The following C8orf34 variants were observed in gnomAD, a reference collection of about 807,000 sequenced individuals.
The protein encoded by C8orf34 is uncharacterized protein C8orf34.
A neutral mutation model predicts 68.3 loss-of-function variants in C8orf34; 65 were observed. The observed-to-expected ratio is 0.95, with a 90% CI of 0.78 to 1.17. The LOEUF (loss-of-function observed/expected upper bound fraction) is 1.17, where lower values mean the gene tolerates loss of function less well. Ranked by LOEUF, C8orf34 falls within the 50% of genes most tolerant of loss-of-function variation. The pLI is 0.00. For missense variants in C8orf34, 664 were observed against 655.4 expected (o/e 1.01, Z -0.14); for synonymous variants, 244 against 241.2 (o/e 1.01, Z -0.11).
intron 7 of C8orf34, among the ~76,000 whole-genome samples, chr8:68,548,526 A>G (rs933195006): frequency 6.6e-6 from 1 of 151,806 alleles, no homozygotes; most frequent in African/African-American, 2.4e-5. Flanking sequence ...AAGATTCTCA[A>G]CACTAAATGT....
At chr8:68,478,367 A>G (rs1812714100) in intron 4 of C8orf34, among the ~76,000 whole-genome samples, 1 of 152,138 alleles carries the variant, frequency 6.6e-6, no homozygotes, top group Admixed American at 6.5e-5. Context: ...TTCATTGTCC[A>G]TATCACTATC....
chr8:68,644,051 G>A (rs1819093362), intron 8 of C8orf34, among the ~76,000 whole-genome samples: 1 of 152,176 alleles, frequency 6.6e-6, no homozygotes, highest in Non-Finnish European at 1.5e-5. Context: ...GTGTAAAGGA[G>A]TGAAGACTCT....
At chr8:68,542,800 G>A (rs1040702631) in intron 7 of C8orf34, among the ~76,000 whole-genome samples, 9 of 151,924 alleles carry the variant, frequency 5.9e-5, no homozygotes, top group African/African-American at 1.5e-4. Flanking sequence ...AATCACAAAA[G>A]CATTTCTTTT....
intron 4 of C8orf34, among the ~76,000 whole-genome samples, chr8:68,482,568 C>A (rs1812907250): frequency 6.6e-6 from 1 of 152,160 alleles, no homozygotes; most frequent in Non-Finnish European, 1.5e-5. Flanking sequence ...AGCCACTGTG[C>A]CCAGTCTAAA....
At chr8:68,733,364 G>A (rs984509565) in intron 10 of C8orf34, among the ~76,000 whole-genome samples, 2 of 152,082 alleles carry the variant, frequency 1.3e-5, no homozygotes, top group East Asian at 1.9e-4. Context: ...CTCCACGTTC[G>A]CCAAATGTAG....
In C8orf34 at chr8:68,488,086, G is replaced by A. The variant is rs747468684; in HGVS notation, c.765+35G>A. 9.5e-6 allele frequency: 14 copies of A among 1,472,166 alleles called. No individual in the cohort carries two copies. The African/African-American group carries it at 1.4e-4, about 15-fold the overall frequency. 91.2% of individuals were successfully genotyped at this position (1,472,166 alleles called of 1,614,324 possible). A position where few individuals can be genotyped will look rare whatever the true frequency, so the allele number is the denominator to read the frequency against. ...ACTATACATCTGGTGAAAAGAAAATGTAGAACTTACCTTTTATTCCACTGT... is the reference window on the plus strand; with the variant it reads ...ACTATACATCTGGTGAAAAGAAAATATAGAACTTACCTTTTATTCCACTGT... On this transcript the variant is annotated intron_variant, in intron 5 of 13. Transcript: ENST00000518698.
chr8:68,530,555 G>T, intron 6 of C8orf34: 2 of 1,080,572 alleles, frequency 1.9e-6, no homozygotes, highest in Non-Finnish European at 1.2e-6. Context: ...AATAAAGTTG[G>T]TCAAGGAAGA....
At chr8:68,583,262 T>A (rs1232933345) in intron 7 of C8orf34, among the ~76,000 whole-genome samples, 3 of 152,130 alleles carry the variant, frequency 2.0e-5, no homozygotes, top group African/African-American at 7.2e-5. Context: ...AAGAAATGAT[T>A]TGCAGGAAGA....
intron 4 of C8orf34, among the ~76,000 whole-genome samples, chr8:68,472,949 A>G (rs1322192123): frequency 6.6e-6 from 1 of 152,096 alleles, no homozygotes; most frequent in Non-Finnish European, 1.5e-5. Flanking sequence ...ACTGGACATC[A>G]CTGCTCTAAC....
chr8:68,367,912 G>GAAAAAAAAAAAAAAAAAAAAAA (rs61562318), intron 1 of C8orf34, among the ~76,000 whole-genome samples: 82 of 79,110 alleles, frequency 1.0e-3, no homozygotes, highest in East Asian at 1.5e-3. Flanking sequence ...AAAAAGAAAA[G>GAAAAAAAAAAAAAAAAAAAAAA]AAAAAAAAAA....
chr8:68,755,226 G>A (rs1822820915), intron 10 of C8orf34, among the ~76,000 whole-genome samples: 3 of 152,142 alleles, frequency 2.0e-5, no homozygotes, highest in Admixed American at 2.0e-4. Flanking sequence ...AACCTTAGAA[G>A]AACTGTCAAG....
chr8:68,427,527 T>C (rs533996404), intron 1 of C8orf34, among the ~76,000 whole-genome samples: 4 of 152,128 alleles, frequency 2.6e-5, no homozygotes, highest in Non-Finnish European at 5.9e-5. Flanking sequence ...TAGCAGTTGC[T>C]AGGGGTTAGA....
intron 8 of C8orf34, among the ~76,000 whole-genome samples, chr8:68,675,673 A>C (rs1193831132): frequency 1.3e-5 from 2 of 152,190 alleles, no homozygotes; most frequent in African/African-American, 2.4e-5. Flanking sequence ...AAGAAAGAAG[A>C]AAGAAACACA....
chr8:68,785,066 C>T (rs1823807347), intron 11 of C8orf34, among the ~76,000 whole-genome samples: 1 of 151,806 alleles, frequency 6.6e-6, no homozygotes, highest in South Asian at 2.1e-4. Context: ...GAATATGGGC[C>T]AGGCATGGTT....
chr8:68,413,938 A>G (rs1354158216), intron 1 of C8orf34, among the ~76,000 whole-genome samples: 2 of 152,170 alleles, frequency 1.3e-5, no homozygotes, highest in African/African-American at 4.8e-5. Flanking sequence ...AAGGTTAGAC[A>G]TCCTCCTACC....
intron 7 of C8orf34, chr8:68,533,873 A>C: frequency 1.0e-6 from 1 of 961,928 alleles, no homozygotes; most frequent in Non-Finnish European, 1.2e-6. Context: ...ATGAGTTTTG[A>C]AGTCAGTGGT....
In C8orf34 at chr8:68,700,463, G is replaced by A. The variant is rs1217876671; in HGVS notation, c.1242-8531G>A. 3.9e-5 allele frequency among the ~76,000 whole-genome samples: 6 copies of A among 152,144 alleles called. No homozygotes were observed. The East Asian group carries it at 1.2e-3, about 29-fold the overall frequency. On this transcript the variant is annotated intron_variant, in intron 8 of 13. Transcript: ENST00000518698. ...AGAACTGGGACTTGGGGAGGATAGA[G>A]GCAAGGTTTTGTAGGGCAGCAGTGA...
At chr8:68,468,618 T>C (rs899431074) in intron 3 of C8orf34, 74 bp from the exon 4 acceptor site, 28 of 1,462,920 alleles carry the variant, frequency 1.9e-5, no homozygotes, top group Non-Finnish European at 2.3e-5. Flanking sequence ...GTACAGTCTT[T>C]CACGTGATGA....
chr8:68,700,305 G>A (rs557863090), intron 8 of C8orf34, among the ~76,000 whole-genome samples: 1 of 152,158 alleles, frequency 6.6e-6, no homozygotes, highest in Non-Finnish European at 1.5e-5. Context: ...CTGAGAGATG[G>A]TGTGAAAGGG....
Sources: allele counts gnomAD v4.1 joint callset (sites outside exome capture counted in the v4.1 genomes callset), GRCh38; gene constraint gnomAD v4.1.1; transcripts MANE v1.5; gene names NCBI Gene and HGNC (gene_info 2026-07-23, HGNC 2026-07-21).